NEB: variants seen among roughly 807,000 people sequenced by gnomAD.
NEB encodes nemaline myopathy type 2.
A neutral mutation model predicts 952.2 loss-of-function variants in NEB; 512 were observed. The observed-to-expected ratio is 0.54, with a 90% CI of 0.50 to 0.58. The LOEUF is 0.58. NEB is among the 20% of genes least tolerant of loss of function. The probability of loss-of-function intolerance (pLI) is 0.00; values close to 1 mark genes in which losing one functional copy is unlikely to be tolerated. For synonymous variants in NEB, 2,900 were observed against 3,149.8 expected, an observed-to-expected ratio of 0.92 and a Z score of 2.66; for missense variants, 8,428 against 9,231.1, an observed-to-expected ratio of 0.91 and a Z score of 3.56.
At chr2:151,705,631 T>C (rs943391950) in intron 13 of NEB, among the ~76,000 whole-genome samples, 4 of 152,114 alleles carry the variant, frequency 2.6e-5, no homozygotes, top group Non-Finnish European at 1.5e-5. Flanking sequence ...AGCATGTTCA[T>C]AGCAGCACAA....
At chr2:151,640,120 A>C in intron 61 of NEB, 60 bp from the exon 62 acceptor site, 1 of 1,560,038 alleles carries the variant, frequency 6.4e-7, no homozygotes, top group Non-Finnish European at 8.8e-7. Context: ...TTTTCATCTG[A>C]AGGATAAGAG....
intron 54 of NEB, among the ~76,000 whole-genome samples, chr2:151,648,724 T>C (rs1490589650): frequency 6.6e-6 from 1 of 152,228 alleles, no homozygotes; most frequent in Non-Finnish European, 1.5e-5. Context: ...CAAAAATATT[T>C]CTAGATGTTG....
chr2:151,491,998 T>G (rs1453672764), intron 178 of NEB, 100 bp downstream of exon 178: 12 of 1,278,056 alleles, frequency 9.4e-6, no homozygotes, highest in Non-Finnish European at 1.3e-5. Flanking sequence ...AAAAACAGAT[T>G]GAAGTCCTTT....
intron 129 of NEB, among the ~76,000 whole-genome samples, chr2:151,551,537 A>T (rs994641268): frequency 6.6e-6 from 1 of 152,160 alleles, no homozygotes; most frequent in Non-Finnish European, 1.5e-5. Context: ...CATGCCCATT[A>T]TGTTGGTTTG....
At chr2:151,645,097 T>C (rs549955221) in intron 55 of NEB, among the ~76,000 whole-genome samples, 1 of 152,364 alleles carries the variant, frequency 6.6e-6, no homozygotes, top group South Asian at 2.1e-4. Context: ...CCGTCCTGTA[T>C]GTGTGCCTTT....
At chr2:151,529,496 C>G (rs1340201124) in intron 145 of NEB, among the ~76,000 whole-genome samples, 182 bp from the exon 146 acceptor site, 1 of 151,828 alleles carries the variant, frequency 6.6e-6, no homozygotes. Flanking sequence ...TATCTCAGAT[C>G]AGGGCACACT....
At chr2:151,697,751 T>C (rs2099606513) in intron 13 of NEB, 103 bp from the exon 14 acceptor site, 7 of 790,574 alleles carry the variant, frequency 8.9e-6, no homozygotes, top group Non-Finnish European at 1.2e-5. Context: ...AGAAAAGATA[T>C]CGCCTGTCAA....
intron 142 of NEB, among the ~76,000 whole-genome samples, chr2:151,534,016 A>C (rs1051364803): frequency 6.6e-6 from 1 of 152,218 alleles, no homozygotes; most frequent in African/African-American, 2.4e-5. Context: ...TCACCACAGC[A>C]CAAGTGAGAA....
rs1309830188 is a variant in NEB at position 151,562,813 on chromosome 2, T to C, written c.18694-5A>G. On this transcript the variant is annotated splice_polypyrimidine_tract_variant and splice_region_variant and intron_variant, in intron 119 of 181. Transcript: ENST00000397345. ...ATAATGTTTTCTGTAGTTCAACTAA[T>C]ATGTTTTAAAGACAAAAATAAGAAA... 1.3e-6 allele frequency: 2 copies of C among 1,548,200 alleles called. No homozygotes were observed. The highest frequency in any genetic ancestry group is 1.4e-5 in the African/African-American group (1 of 73,552).
chr2:151,611,665 T>C (rs2097970259), intron 78 of NEB, among the ~76,000 whole-genome samples: 2 of 152,236 alleles, frequency 1.3e-5, no homozygotes, highest in South Asian at 4.1e-4. Flanking sequence ...AATGATCATC[T>C]ATCTTGTGTA....
intron 135 of NEB, among the ~76,000 whole-genome samples, chr2:151,545,214 G>A (rs950655549): frequency 6.6e-6 from 1 of 152,210 alleles, no homozygotes; most frequent in African/African-American, 2.4e-5. Context: ...CGGGGCTCCT[G>A]ATAGCAGGAA....
At position 151,485,650 on chromosome 2, in the gene NEB, C is replaced by A; in HGVS notation, c.*110G>T. The A allele has an allele frequency of 7.4e-6, 8 of 1,087,602 alleles. No homozygotes were observed. Among genetic ancestry groups the A allele is most frequent in the Non-Finnish European group, 1.0e-5 (8 of 772,690 alleles). 67.4% of individuals were successfully genotyped at this position (1,087,602 alleles called of 1,614,324 possible). A position where few individuals can be genotyped will look rare whatever the true frequency, so the allele number is the denominator to read the frequency against. ...GGTACTACCATAAATCACATTGACA[C>A]AGAAAAACCATAGGCAGCTTGAGAA... On this transcript the variant is annotated 3_prime_UTR_variant, in exon 182 of 182. Coordinates refer to ENST00000397345, the MANE Select transcript of NEB (RefSeq NM_001164508.2).
At position 151,706,862 on chromosome 2, in the gene NEB, T is replaced by C; in HGVS notation, c.1152+19A>G. ...TTTGCAGCTAAGGTTTAAAAACACTTTGACAAAAATATACTTACGTCACTT... is the reference window on the plus strand; with the variant it reads ...TTTGCAGCTAAGGTTTAAAAACACTCTGACAAAAATATACTTACGTCACTT... On this transcript the variant is annotated intron_variant, in intron 13 of 181. Transcript: ENST00000397345. 1 of 1,551,616 alleles carries C rather than the reference T, an allele frequency of 6.4e-7. No homozygotes were observed. Among genetic ancestry groups the C allele is most frequent in the South Asian group, 1.2e-5 (1 of 83,324 alleles).
chr2:151,507,616 C>T (rs982799384), intron 162 of NEB: 8 of 209,124 alleles, frequency 3.8e-5, no homozygotes, highest in East Asian at 1.1e-4. Context: ...ATCACACTTC[C>T]GCATCTCTAT....
intron 121 of NEB, 62 bp downstream of exon 121, chr2:151,562,048 C>T (rs939530968): frequency 2.9e-6 from 4 of 1,366,908 alleles, no homozygotes; most frequent in South Asian, 2.4e-5. Context: ...CATCAGCCCA[C>T]TGACACCACC....
At chr2:151,490,105 A>G in intron 180 of NEB, 28 bp from the exon 181 acceptor site, 1 of 1,537,400 alleles carries the variant, frequency 6.5e-7, no homozygotes, top group Non-Finnish European at 8.9e-7. Context: ...AATTCTTTAT[A>G]AGAAGAAAAA....
intron 47 of NEB, 26 bp from the exon 48 acceptor site, chr2:151,658,116 T>C: frequency 1.4e-6 from 2 of 1,460,846 alleles, no homozygotes; most frequent in Non-Finnish European, 9.5e-7. Context: ...AAGGGAAGAG[T>C]TTTCTTCTAA....
At chr2:151,707,914 T>A (rs930584011) in intron 12 of NEB, among the ~76,000 whole-genome samples, 20 of 152,166 alleles carry the variant, frequency 1.3e-4, no homozygotes, top group African/African-American at 4.8e-4. Context: ...AATGGGAGAC[T>A]CAGATCACTT....
At position 151,656,180 on chromosome 2, in the gene NEB, G is replaced by C. The variant is rs939177563; in HGVS notation, c.6468C>G (p.Thr2156=). 1.2e-6 allele frequency: 2 copies of C among 1,602,058 alleles called. No homozygotes were observed. Among genetic ancestry groups the C allele is most frequent in the Non-Finnish European group, 1.7e-6 (2 of 1,172,968 alleles). ...CACTCTGTATGCGATTCATATTCCT[G>C]GTCAGCTCAATGTTCATTGCATCTG... ...LLPDAMNIEL[T]RNMNRIQSDN... The change falls in exon 49 of 182, where the codon ACC becomes ACG. Residue 2156 remains threonine, a synonymous_variant. Transcript: ENST00000397345.
Sources: gnomAD v4.1 joint callset for allele counts (sites outside exome capture counted in the v4.1 genomes callset) on GRCh38, gnomAD v4.1.1 for gene constraint, MANE v1.5 for transcripts, NCBI Gene and HGNC (gene_info 2026-07-23, HGNC 2026-07-21) for gene names.